Variants in MPPED1 observed in about 807,000 individuals in gnomAD.
The protein encoded by MPPED1 is metallophosphoesterase domain containing 1, also known as metallophosphoesterase domain-containing protein 1.
Under a neutral mutation model 36.2 loss-of-function variants are expected in MPPED1, and 16 were observed. That is an observed-to-expected ratio of 0.44 (90% CI 0.30 to 0.67). MPPED1 has a LOEUF of 0.67. Ranked by LOEUF, MPPED1 falls within the 30% of genes least tolerant of loss-of-function variation. The probability of loss-of-function intolerance (pLI) is 0.10; values close to 1 mark genes in which losing one functional copy is unlikely to be tolerated. For synonymous variants in MPPED1, 199 were observed against 191.3 expected, an observed-to-expected ratio of 1.04 and a Z score of -0.33; for missense variants, 307 against 453.4, an observed-to-expected ratio of 0.68 and a Z score of 2.93.
chr22:43,431,205 C>G (rs1165190019), intron 2 of MPPED1, among the ~76,000 whole-genome samples: 1 of 151,674 alleles, frequency 6.6e-6, no homozygotes, highest in Non-Finnish European at 1.5e-5. Context: ...CCACACCAAG[C>G]TAATTTTTTA....
In MPPED1 at chr22:43,474,706, C is replaced by A. The variant is rs369507630; in HGVS notation, c.407-30C>A. The A allele has an allele frequency of 1.9e-6, 3 of 1,607,926 alleles. No homozygotes were observed. Among genetic ancestry groups the A allele is most frequent in the Non-Finnish European group, 2.6e-6 (3 of 1,174,892 alleles). The stretch of plus-strand genomic sequence containing the variant: ...TTCTGGACAAGCTGACGGCTGTGTG[C>A]TGTGTGTCTGTCTGTGTCCACCCCT... On this transcript the variant is annotated intron_variant, in intron 3 of 6. Coordinates refer to ENST00000443721, the MANE Select transcript of MPPED1 (RefSeq NM_001044370.2). This position sits in a 1 kb window ranked among gnomAD's most constrained non-coding sequence, Gnocchi z 5.2.
chr22:43,417,749 C>G (rs1263881073), intron 1 of MPPED1: 1 of 236,228 alleles, frequency 4.2e-6, no homozygotes, highest in African/African-American at 2.3e-5. Context: ...CTGAGCCAAG[C>G]CGGCTTTTTC....
intron 2 of MPPED1, among the ~76,000 whole-genome samples, chr22:43,427,286 C>T (rs1929511715): frequency 6.6e-6 from 1 of 152,156 alleles, no homozygotes; most frequent in Non-Finnish European, 1.5e-5. Context: ...TTCCCAGTTT[C>T]AAGGGATCCA....
intron 3 of MPPED1, among the ~76,000 whole-genome samples, chr22:43,456,853 CT>C (rs1460123267): frequency 6.6e-6 from 1 of 152,160 alleles, no homozygotes; most frequent in Non-Finnish European, 1.5e-5. Context: ...AAATGCTTTT[CT>C]GTGCCTGTTG....
In MPPED1 at chr22:43,445,880, A is replaced by ATTTTTTT. The variant is rs78165973; in HGVS notation, c.406+10669_406+10670insTTTTTTT. Among the ~76,000 whole-genome samples the ATTTTTTT allele has an allele frequency of 6.4e-5, 8 of 125,840 alleles. 2 individuals are homozygous for ATTTTTTT. Among genetic ancestry groups the ATTTTTTT allele is most frequent in the African/African-American group, 2.2e-4 (6 of 27,442 alleles). The allele number at this position is 125,840 out of a possible 152,430, so 82.6% of individuals were successfully genotyped here. On this transcript the variant is annotated intron_variant, in intron 3 of 6. Coordinates refer to ENST00000443721, the MANE Select transcript of MPPED1 (RefSeq NM_001044370.2). ...CCACTGTGCCTAGCCTGGTGTTTAC[A>ATTTTTTT]TTTTCTTTTTTTTTTTTTTTGAGAC...
chr22:43,501,105 G>GCCTCAC (rs1932721006), intron 5 of MPPED1, among the ~76,000 whole-genome samples: 1 of 152,142 alleles, frequency 6.6e-6, no homozygotes, highest in Non-Finnish European at 1.5e-5. Context: ...GATTTTGTCA[G>GCCTCAC]CCTCACCCTC....
chr22:43,416,942 G>A (rs544575389), intron 1 of MPPED1: 23 of 983,106 alleles, frequency 2.3e-5, no homozygotes, highest in South Asian at 4.7e-5. Flanking sequence ...CAAGCCCGGC[G>A]AGCCGACTGC....
intron 3 of MPPED1, among the ~76,000 whole-genome samples, chr22:43,447,747 C>G (rs1245655690): frequency 6.7e-6 from 1 of 149,790 alleles, no homozygotes; most frequent in Non-Finnish European, 1.5e-5. Context: ...TTCTAATGAG[C>G]TCCCAGGGTA....
In MPPED1 at chr22:43,445,030, G is replaced by T. The variant is rs78843690; in HGVS notation, c.406+9815G>T. Among the ~76,000 whole-genome samples, 902 of 152,268 alleles carry T rather than the reference G, an allele frequency of 5.9e-3. 2 individuals carry two copies. The highest frequency in any genetic ancestry group is 8.6e-3 in the Non-Finnish European group (587 of 68,018). On this transcript the variant is annotated intron_variant, in intron 3 of 6. Transcript: ENST00000443721. ...ATGTGGGCTGTAAGTGGTTAACTAG[G>T]GTCTGAGCTTCCTGGGGGCCAAAGT...
At chr22:43,492,321 G>A (rs187849243) in intron 4 of MPPED1, among the ~76,000 whole-genome samples, 3 of 152,250 alleles carry the variant, frequency 2.0e-5, no homozygotes, top group Non-Finnish European at 2.9e-5. Flanking sequence ...GCTCACAGTT[G>A]GGTGTAAAAT....
At chr22:43,453,004 C>T (rs144288781) in intron 3 of MPPED1, among the ~76,000 whole-genome samples, 2,276 of 150,598 alleles carry the variant, frequency 0.015, 29 homozygotes, top group East Asian at 0.056. Context: ...GGCTGGAGTG[C>T]AGTGGCTCAA....
At chr22:43,500,223 GT>G (rs1932650259) in intron 5 of MPPED1, among the ~76,000 whole-genome samples, 1 of 97,488 alleles carries the variant, frequency 1.0e-5, no homozygotes, top group East Asian at 2.9e-4. Flanking sequence ...GGGGGTGATG[GT>G]GGAGGTGGTG....
chr22:43,497,791 C>A (rs1307841576), intron 4 of MPPED1, among the ~76,000 whole-genome samples: 2 of 145,698 alleles, frequency 1.4e-5, no homozygotes, highest in Non-Finnish European at 3.0e-5. Flanking sequence ...CCACACACCC[C>A]ACCTGGGGGA....
intron 5 of MPPED1, among the ~76,000 whole-genome samples, chr22:43,500,149 GGGTGGTGGT>G (rs1367410604): frequency 0.021 from 1,171 of 56,702 alleles, 108 homozygotes; most frequent in Middle Eastern, 0.034. Context: ...GAGGTGGTGG[GGGTGGTGGT>G]GGTGATGGTG....
At chr22:43,423,544 G>A (rs1388027882) in intron 1 of MPPED1, among the ~76,000 whole-genome samples, 3 of 152,192 alleles carry the variant, frequency 2.0e-5, no homozygotes, top group Non-Finnish European at 2.9e-5. Flanking sequence ...TGTCTTTAGA[G>A]GTCTGTGGGA....
chr22:43,431,064 CAG>C (rs1929668286), intron 2 of MPPED1, among the ~76,000 whole-genome samples: 1 of 95,344 alleles, frequency 1.0e-5, no homozygotes, highest in Non-Finnish European at 1.9e-5. Context: ...TTTTTTTAGA[CAG>C]AGTCTCACTC....
chr22:43,415,699 C>T (rs1471957085), intron 1 of MPPED1, among the ~76,000 whole-genome samples: 1 of 152,166 alleles, frequency 6.6e-6, no homozygotes, highest in Admixed American at 6.5e-5. Flanking sequence ...AAATAAAATT[C>T]TCCCTTCTGG....
intron 3 of MPPED1, among the ~76,000 whole-genome samples, chr22:43,443,628 A>G (rs961143007): frequency 1.6e-4 from 25 of 152,116 alleles, no homozygotes; most frequent in African/African-American, 6.0e-4. Context: ...TAAAGGAATG[A>G]GGAAAGAGAA....
At chr22:43,484,077 G>A (rs1288926623) in intron 4 of MPPED1, among the ~76,000 whole-genome samples, 1 of 152,244 alleles carries the variant, frequency 6.6e-6, no homozygotes. Flanking sequence ...TGGTTGCAGG[G>A]GCCAGCAGTC....
Sources: allele counts gnomAD v4.1 joint callset (sites outside exome capture counted in the v4.1 genomes callset), GRCh38; gene constraint gnomAD v4.1.1; non-coding constraint Gnocchi (gnomAD v3.1); transcripts MANE v1.5; gene names NCBI Gene and HGNC (gene_info 2026-07-23, HGNC 2026-07-21).